Variants in XIRP2 observed in about 807,000 individuals in gnomAD.
XIRP2 encodes xin actin-binding repeat-containing protein 2.
A neutral mutation model predicts 277.0 loss-of-function variants in XIRP2; 236 were observed. That is an observed-to-expected ratio of 0.85 (90% confidence interval 0.77 to 0.95). The LOEUF (loss-of-function observed/expected upper bound fraction) is 0.95, where lower values mean the gene tolerates loss of function less well. Ranked by LOEUF, XIRP2 falls within the 40% of genes least tolerant of loss-of-function variation. The pLI is 0.00. For synonymous variants in XIRP2, 1,490 were observed against 1,416.5 expected, an observed-to-expected ratio of 1.05 and a Z score of -1.17; for missense variants, 4,640 against 4,157.5, an observed-to-expected ratio of 1.12 and a Z score of -3.19.
intron 5 of XIRP2, among the ~76,000 whole-genome samples, chr2:167,228,407 C>A (rs1326176412): frequency 6.6e-6 from 1 of 152,150 alleles, no homozygotes; most frequent in Non-Finnish European, 1.5e-5. Flanking sequence ...GTAGGCCATT[C>A]CAGTACAACA....
chr2:167,083,675 G>C (rs1558973136), intron 2 of XIRP2, among the ~76,000 whole-genome samples: 1 of 152,130 alleles, frequency 6.6e-6, no homozygotes, highest in African/African-American at 2.4e-5. Flanking sequence ...TTGTAAGTTG[G>C]ATTCCTAGGT....
chr2:166,982,115 A>G (rs1254444079), intron 2 of XIRP2, among the ~76,000 whole-genome samples: 1 of 152,074 alleles, frequency 6.6e-6, no homozygotes, highest in Non-Finnish European at 1.5e-5. Flanking sequence ...TTCAATGAAC[A>G]TAGAATTTTG....
At chr2:167,014,076 T>C (rs1687757539) in intron 2 of XIRP2, among the ~76,000 whole-genome samples, 1 of 151,672 alleles carries the variant, frequency 6.6e-6, no homozygotes, top group Non-Finnish European at 1.5e-5. Flanking sequence ...AATTATATGT[T>C]ATTGCTATTT....
intron 3 of XIRP2, among the ~76,000 whole-genome samples, chr2:167,199,711 A>G (rs537029830): frequency 6.6e-6 from 1 of 152,276 alleles, no homozygotes; most frequent in East Asian, 1.9e-4. Context: ...CCGTCTCTCC[A>G]TGGCTGAGGG....
intron 3 of XIRP2, among the ~76,000 whole-genome samples, chr2:167,177,038 ACTT>A (rs1439997333): frequency 6.6e-6 from 1 of 152,120 alleles, no homozygotes; most frequent in Non-Finnish European, 1.5e-5. Flanking sequence ...AGCTGAGTGA[ACTT>A]CTATGGGAGA....
Position 167,247,007 on chromosome 2 carries a change from T to C in XIRP2, c.5615T>C (p.Leu1872Pro), listed in dbSNP as rs1262935774. The change falls in exon 9 of 11, where the codon CTC becomes CCC. Residue 1872 changes from leucine to proline, a missense_variant. Leu to Pro is a moderately conservative substitution (Grantham distance 98). Transcript: ENST00000409195. Reference protein sequence around the residue: ...EIIKGNMLATLKSLKESSHRW... With the variant: ...EIIKGNMLATPKSLKESSHRW... The stretch of plus-strand genomic sequence containing the variant: ...ATAAAAGGTAACATGCTAGCCACAC[T>C]CAAGTCACTTAAAGAATCAAGCCAT... 1.2e-6 allele frequency: 2 copies of C among 1,613,650 alleles called. No individual in the cohort carries two copies. The highest frequency in any genetic ancestry group is 3.3e-5 in the Admixed American group (2 of 59,994).
At chr2:167,076,262 T>G (rs1291103873) in intron 2 of XIRP2, among the ~76,000 whole-genome samples, 2 of 152,188 alleles carry the variant, frequency 1.3e-5, no homozygotes, top group South Asian at 2.1e-4. Flanking sequence ...TAGAAGCAAT[T>G]TATATGGCAT....
In XIRP2 at chr2:167,251,501, C is replaced by T. The variant is rs1559045974; in HGVS notation, c.10109C>T (p.Thr3370Ile). 1.2e-6 allele frequency: 2 copies of T among 1,613,338 alleles called. No individual in the cohort carries two copies. The highest frequency in any genetic ancestry group is 1.7e-6 in the Non-Finnish European group (2 of 1,179,622). ...TNHNIQQESR[T>I]FCKEEFGLTS... is the part of the protein sequence containing the mutation. ...CATAACATACAACAAGAAAGTCGTA[C>T]ATTTTGTAAGGAGGAATTTGGATTA... Residue 3370 changes from threonine (T) to isoleucine (I), a missense_variant, in exon 9 of 11, where the codon ACA (threonine) becomes ATA (isoleucine). Coordinates refer to ENST00000409195, the MANE Select transcript of XIRP2 (RefSeq NM_152381.6).
intron 2 of XIRP2, among the ~76,000 whole-genome samples, chr2:167,098,995 G>A (rs915343148): frequency 6.6e-6 from 1 of 152,140 alleles, no homozygotes; most frequent in African/African-American, 2.4e-5. Flanking sequence ...CTGCTAGGAG[G>A]TGTCTCCCAG....
intron 2 of XIRP2, among the ~76,000 whole-genome samples, chr2:167,071,863 G>A (rs1689444892): frequency 6.6e-6 from 1 of 152,160 alleles, no homozygotes; most frequent in South Asian, 2.1e-4. Context: ...GCCATTCTCA[G>A]AGGACATAAG....
At chr2:167,148,006 T>G (rs750872924) in intron 3 of XIRP2, among the ~76,000 whole-genome samples, 1 of 151,966 alleles carries the variant, frequency 6.6e-6, no homozygotes, top group Non-Finnish European at 1.5e-5. Flanking sequence ...GTTTTAGGAG[T>G]AAAAAATTAA....
intron 3 of XIRP2, among the ~76,000 whole-genome samples, chr2:167,149,567 C>T (rs949123869): frequency 1.3e-5 from 2 of 152,064 alleles, no homozygotes; most frequent in Admixed American, 6.6e-5. Context: ...AGGCAATAGT[C>T]TGTCATTAGA....
chr2:167,188,643 G>A (rs771676630), intron 3 of XIRP2, among the ~76,000 whole-genome samples: 1 of 152,190 alleles, frequency 6.6e-6, no homozygotes, highest in Non-Finnish European at 1.5e-5. Context: ...TGAATTCTAT[G>A]CTTAAGTATT....
At chr2:167,133,680 G>C (rs16852996) in intron 2 of XIRP2, among the ~76,000 whole-genome samples, 12,965 of 152,132 alleles carry the variant, frequency 0.085, 617 homozygotes, top group African/African-American at 0.12. Flanking sequence ...ACTTTGTAGG[G>C]ATCTGCACCT....
intron 1 of XIRP2, among the ~76,000 whole-genome samples, chr2:166,899,731 T>A (rs1318835231): frequency 6.6e-6 from 1 of 152,162 alleles, no homozygotes; most frequent in African/African-American, 2.4e-5. Context: ...AGAAATTTGC[T>A]GTCATTCACA....
At chr2:166,982,113 A>C (rs565635739) in intron 2 of XIRP2, among the ~76,000 whole-genome samples, 1 of 152,094 alleles carries the variant, frequency 6.6e-6, no homozygotes, top group East Asian at 1.9e-4. Context: ...TTTTCAATGA[A>C]CATAGAATTT....
intron 2 of XIRP2, among the ~76,000 whole-genome samples, chr2:166,919,461 C>G (rs1316669868): frequency 6.6e-6 from 1 of 152,150 alleles, no homozygotes; most frequent in Admixed American, 6.5e-5. Flanking sequence ...ATGCAGTGCT[C>G]TTTTTGCCCC....
chr2:166,975,598 C>G (rs892528258), intron 2 of XIRP2, among the ~76,000 whole-genome samples: 10 of 152,094 alleles, frequency 6.6e-5, no homozygotes, highest in African/African-American at 2.4e-4. Flanking sequence ...GTCCTACATT[C>G]TAATTAGTGG....
At chr2:166,945,276 G>T (rs1282294371) in intron 2 of XIRP2, among the ~76,000 whole-genome samples, 1 of 152,094 alleles carries the variant, frequency 6.6e-6, no homozygotes, top group African/African-American at 2.4e-5. Context: ...GCAATGGATA[G>T]GTTTTGCTCT....
Sources: allele counts gnomAD v4.1 joint callset (sites outside exome capture counted in the v4.1 genomes callset), GRCh38; gene constraint gnomAD v4.1.1; transcripts MANE v1.5; gene names NCBI Gene and HGNC (gene_info 2026-07-23, HGNC 2026-07-21).